Variants in ARMC9 observed in about 807,000 individuals in gnomAD.
ARMC9 encodes lisH domain-containing protein ARMC9.
In ARMC9, 94 loss-of-function variants were observed where a neutral mutation model predicts 107.0. That is an observed-to-expected ratio of 0.88 (90% confidence interval 0.74 to 1.04). The LOEUF (loss-of-function observed/expected upper bound fraction) is 1.04, where lower values mean the gene tolerates loss of function less well. ARMC9 is among the 50% of genes least tolerant of loss of function. The pLI is 0.00. For synonymous variants in ARMC9, 380 were observed against 396.9 expected (o/e 0.96, Z 0.51); for missense variants, 942 against 1,030.1 (o/e 0.91, Z 1.17).
At chr2:231,244,502 A>T (rs1022873743) in intron 9 of ARMC9, among the ~76,000 whole-genome samples, 15 of 151,458 alleles carry the variant, frequency 9.9e-5, no homozygotes, top group Non-Finnish European at 2.2e-4. Flanking sequence ...AATAGCTGGG[A>T]CTATGGGCCT....
At chr2:231,222,627 C>A in intron 5 of ARMC9, 101 bp from the exon 6 acceptor site, 2 of 604,618 alleles carry the variant, frequency 3.3e-6, no homozygotes, top group Non-Finnish European at 5.6e-6. Flanking sequence ...GTTTTGGTTT[C>A]AATCACTGTG....
rs757111551 is a variant in ARMC9, at chr2:231,262,332, G to A, written c.1053G>A (p.Glu351=). 3.7e-6 allele frequency: 6 copies of A among 1,614,198 alleles called. No homozygotes were observed. Among genetic ancestry groups the A allele is most frequent in the Non-Finnish European group, 5.1e-6 (6 of 1,180,024 alleles). Residue 351 remains glutamate, a synonymous_variant, in exon 12 of 25, where the codon GAG becomes GAA. Coordinates refer to ENST00000611582, the MANE Select transcript of ARMC9 (RefSeq NM_001352754.2). ...RWRLTTSHPG[E]QRETVLQAYI... ...GCTTGACCACATCCCATCCTGGAGA[G>A]CAGAGGGAGACCGTTCTGCAAGCCT...
chr2:231,214,718 A>G (rs1574614285), intron 3 of ARMC9, 113 bp from the exon 4 acceptor site: 4 of 1,121,064 alleles, frequency 3.6e-6, no homozygotes, highest in East Asian at 2.4e-5. Flanking sequence ...CTATTTTTCT[A>G]TCCTTTACCA....
chr2:231,280,991 T>C (rs909634568), intron 16 of ARMC9, among the ~76,000 whole-genome samples: 1 of 152,006 alleles, frequency 6.6e-6, no homozygotes, highest in African/African-American at 2.4e-5. Flanking sequence ...AGGAGGGCGG[T>C]GGGAAACGAG....
intron 9 of ARMC9, among the ~76,000 whole-genome samples, chr2:231,253,179 C>T (rs1411990554): frequency 1.3e-5 from 2 of 151,692 alleles, no homozygotes; most frequent in African/African-American, 4.8e-5. Flanking sequence ...GGCTGGAGTG[C>T]AGTGGTGTGA....
At chr2:231,273,469 C>T (rs950294566) in intron 14 of ARMC9, among the ~76,000 whole-genome samples, 3 of 152,134 alleles carry the variant, frequency 2.0e-5, no homozygotes, top group Non-Finnish European at 2.9e-5. Flanking sequence ...GTGTCAAGGG[C>T]AGTTCTGTGG....
intron 19 of ARMC9, among the ~76,000 whole-genome samples, chr2:231,311,420 A>T (rs1314184823): frequency 1.3e-5 from 2 of 152,228 alleles, no homozygotes; most frequent in African/African-American, 2.4e-5. Context: ...CACTTGGCAC[A>T]TACCAATGGT....
In ARMC9 at chr2:231,355,035, T is replaced by C. The variant is rs553879461; in HGVS notation, c.1995-763T>C. ...TGTTCTGCACACATCCTTTAGGTAG[T>C]GTTACAAGAAAGTAAGTTCTAGGCC... On this transcript the variant is annotated intron_variant, in intron 21 of 24. Coordinates refer to ENST00000611582, the MANE Select transcript of ARMC9 (RefSeq NM_001352754.2). 3.3e-5 allele frequency among the ~76,000 whole-genome samples: 5 copies of C among 152,310 alleles called. No homozygotes were observed. The South Asian group carries it at 1.0e-3, about 32-fold the overall frequency.
rs373208820 is a variant in ARMC9 at position 231,270,226 on chromosome 2, C to CG, written c.1120-756_1120-755insG. Among the ~76,000 whole-genome samples, 472 of 152,262 alleles carry CG rather than the reference C, an allele frequency of 3.1e-3. 2 individuals carry two copies. The highest frequency in any genetic ancestry group is 0.011 in the African/African-American group (437 of 41,552). On this transcript the variant is annotated intron_variant, in intron 12 of 24. Coordinates refer to ENST00000611582, the MANE Select transcript of ARMC9 (RefSeq NM_001352754.2). ...ATTCTGCATTTAGACACTAACCCCC[C>CG]TCTCCATTTTGTTCTAGAACCCCGG...
intron 18 of ARMC9, 102 bp downstream of exon 18, chr2:231,291,545 C>T (rs1006919279): frequency 2.0e-5 from 24 of 1,190,190 alleles, no homozygotes; most frequent in African/African-American, 1.1e-4. Context: ...AAGCCGGGCA[C>T]GGTGGCTCGT....
intron 13 of ARMC9, among the ~76,000 whole-genome samples, chr2:231,271,874 G>C (rs1451661576): frequency 6.6e-6 from 1 of 152,044 alleles, no homozygotes; most frequent in East Asian, 1.9e-4. Context: ...TCTTCTCCAG[G>C]CCTTGTACAG....
chr2:231,258,170 A>G (rs2125406759), intron 10 of ARMC9, among the ~76,000 whole-genome samples: 1 of 151,792 alleles, frequency 6.6e-6, no homozygotes, highest in South Asian at 2.1e-4. Context: ...CCACCCACCT[A>G]ATTACTCTTT....
intron 19 of ARMC9, among the ~76,000 whole-genome samples, chr2:231,329,522 T>C (rs2043575906): frequency 6.6e-6 from 1 of 151,914 alleles, no homozygotes. Context: ...TTGGTCAGGC[T>C]GGTCTTGAAC....
intron 12 of ARMC9, 29 bp downstream of exon 12, chr2:231,262,427 C>T: frequency 1.3e-6 from 2 of 1,571,896 alleles, no homozygotes; most frequent in Non-Finnish European, 1.8e-6. Flanking sequence ...CAGATCCCAG[C>T]CAGGGCCTTC....
intron 19 of ARMC9, among the ~76,000 whole-genome samples, chr2:231,329,467 G>A (rs746516929): frequency 2.0e-5 from 3 of 151,984 alleles, no homozygotes; most frequent in Admixed American, 1.3e-4. Context: ...GCGCCACCAC[G>A]CCCAGCTAAT....
chr2:231,324,052 G>A (rs1178116723), intron 19 of ARMC9, among the ~76,000 whole-genome samples: 4 of 151,318 alleles, frequency 2.6e-5, no homozygotes, highest in Non-Finnish European at 5.9e-5. Flanking sequence ...AGGAACAAAT[G>A]CAGAAACTGT....
At position 231,276,647 on chromosome 2, in the gene ARMC9, A is replaced by G. The variant is rs113569367; in HGVS notation, c.1346A>G (p.Gln449Arg). ...CTCTTTCTTCCCAGGCGCCCGCTGC[A>G]GACAGCGATGATTCAAGACGGCCTC... ...LQKFSLRRPLQTAMIQDGLIF... is the reference protein window; with the variant it reads ...LQKFSLRRPLRTAMIQDGLIF... Residue 449 changes from glutamine to arginine, a missense_variant, in exon 15 of 25, where the codon CAG becomes CGG. Coordinates refer to ENST00000611582, the MANE Select transcript of ARMC9 (RefSeq NM_001352754.2). 6.8e-6 allele frequency: 11 copies of G among 1,614,212 alleles called. No individual in the cohort carries two copies. The highest frequency in any genetic ancestry group is 8.5e-6 in the Non-Finnish European group (10 of 1,180,036).
chr2:231,216,833 G>T, intron 5 of ARMC9, 40 bp downstream of exon 5: 1 of 1,584,050 alleles, frequency 6.3e-7, no homozygotes, highest in South Asian at 1.2e-5. Context: ...GATCCTGGGT[G>T]ACATTGTGGT....
chr2:231,327,982 G>A (rs557183722), intron 19 of ARMC9, among the ~76,000 whole-genome samples: 7 of 151,942 alleles, frequency 4.6e-5, no homozygotes, highest in East Asian at 3.9e-4. Flanking sequence ...ACGGTGTTTC[G>A]CCATGTTGCC....
Sources: allele counts gnomAD v4.1 joint callset (sites outside exome capture counted in the v4.1 genomes callset), GRCh38; gene constraint gnomAD v4.1.1; transcripts MANE v1.5; gene names NCBI Gene and HGNC (gene_info 2026-07-23, HGNC 2026-07-21).